Variants in COP1 observed in about 807,000 individuals in gnomAD.
COP1 encodes COP1 E3 ubiquitin ligase.
In COP1, 24 loss-of-function variants were observed where a neutral mutation model predicts 101.3. The observed-to-expected ratio is 0.24, with a 90% confidence interval of 0.17 to 0.33. COP1 has a LOEUF of 0.33. COP1 is among the 10% of genes least tolerant of loss of function. COP1 has a pLI of 1.00. For synonymous variants in COP1, 347 were observed against 341.9 expected (o/e 1.01, Z -0.17); for missense variants, 663 against 906.2 (o/e 0.73, Z 3.45).
At chr1:176,061,403 G>A (rs987673579) in intron 11 of COP1, among the ~76,000 whole-genome samples, 8 of 152,342 alleles carry the variant, frequency 5.3e-5, no homozygotes, top group African/African-American at 1.4e-4. Flanking sequence ...GAGGTGGGCA[G>A]ATCACCTGAG....
At chr1:176,063,623 G>T (rs1280256094) in intron 11 of COP1, among the ~76,000 whole-genome samples, 1 of 152,164 alleles carries the variant, frequency 6.6e-6, no homozygotes, top group African/African-American at 2.4e-5. Flanking sequence ...AGGAGAGAAT[G>T]TGAACACAAC....
intron 1 of COP1, among the ~76,000 whole-genome samples, chr1:176,187,258 T>C (rs540981495): frequency 6.6e-6 from 1 of 152,102 alleles, no homozygotes; most frequent in South Asian, 2.1e-4. Context: ...CTCAAGTAGC[T>C]GGGACTACAG....
intron 15 of COP1, among the ~76,000 whole-genome samples, chr1:176,001,319 T>C (rs1052850757): frequency 6.6e-6 from 1 of 152,270 alleles, no homozygotes; most frequent in East Asian, 1.9e-4. Flanking sequence ...TTGAGTACGA[T>C]GTTAACATCA....
chr1:176,057,568 C>T (rs1016073920), intron 11 of COP1, among the ~76,000 whole-genome samples: 1 of 152,176 alleles, frequency 6.6e-6, no homozygotes, highest in Non-Finnish European at 1.5e-5. Flanking sequence ...AGCTCCTAAC[C>T]GCGAGTGATC....
chr1:176,105,045 A>C (rs921716886), intron 9 of COP1, among the ~76,000 whole-genome samples: 5 of 152,174 alleles, frequency 3.3e-5, no homozygotes, highest in Non-Finnish European at 7.4e-5. Context: ...AAATTACTAG[A>C]AAGCTACCCT....
intron 11 of COP1, among the ~76,000 whole-genome samples, chr1:176,047,870 T>C (rs1447143861): frequency 6.6e-6 from 1 of 151,648 alleles, no homozygotes; most frequent in East Asian, 1.9e-4. Flanking sequence ...AGTCCAGGAG[T>C]TTGAGACCAG....
At position 176,180,280 on chromosome 1, in the gene COP1, G is replaced by A. The variant is rs1455892645; in HGVS notation, c.468-4273C>T. Among the ~76,000 whole-genome samples, 4 of 152,250 alleles carry A rather than the reference G, an allele frequency of 2.6e-5. No individual in the cohort carries two copies. The South Asian group carries it at 8.3e-4, about 32-fold the overall frequency. On this transcript the variant is annotated intron_variant, in intron 2 of 19. Transcript: ENST00000367669. ...AGATACAGCCAGGAAAGCAACATAC[G>A]CCTGTCTGCTGCCTTCTGGATCATA...
At chr1:176,058,754 TAAAAA>T (rs1171809329) in intron 11 of COP1, among the ~76,000 whole-genome samples, 1 of 88,352 alleles carries the variant, frequency 1.1e-5, no homozygotes, top group African/African-American at 3.9e-5. Flanking sequence ...GAATGATCAA[TAAAAA>T]AAAAAAAAAA....
chr1:176,076,032 G>A (rs1677933607), intron 11 of COP1, among the ~76,000 whole-genome samples: 1 of 149,890 alleles, frequency 6.7e-6, no homozygotes, highest in South Asian at 2.1e-4. Flanking sequence ...AATAGTAGGG[G>A]ACTTCAATAC....
chr1:176,008,001 G>C (rs1434351621), intron 15 of COP1, among the ~76,000 whole-genome samples: 2 of 152,134 alleles, frequency 1.3e-5, no homozygotes, highest in East Asian at 1.9e-4. Flanking sequence ...GGGAGACTCC[G>C]TGGGCGTAGG....
In COP1 at chr1:176,006,296, T is replaced by G. The variant is rs986964156; in HGVS notation, c.1730-16817A>C. ...CAGCACACTGATGGGTCTTGACTCT[T>G]TATCCAATTTGCCAGTCTGTGTCTT... On this transcript the variant is annotated intron_variant, in intron 15 of 19. Transcript: ENST00000367669. Among the ~76,000 whole-genome samples, 399 of 152,316 alleles carry G rather than the reference T, an allele frequency of 2.6e-3. 2 individuals carry two copies. The highest frequency in any genetic ancestry group is 9.2e-3 in the African/African-American group (381 of 41,564).
chr1:176,172,485 G>A (rs1221321070), intron 3 of COP1, among the ~76,000 whole-genome samples: 1 of 152,184 alleles, frequency 6.6e-6, no homozygotes, highest in Non-Finnish European at 1.5e-5. Context: ...TGTAGAAATT[G>A]TGTGGACCAG....
At chr1:176,045,847 T>C (rs554829466) in intron 12 of COP1, among the ~76,000 whole-genome samples, 96 of 152,050 alleles carry the variant, frequency 6.3e-4, no homozygotes, top group African/African-American at 2.3e-3. Context: ...ATTCCTGATG[T>C]TCAAATACTA....
intron 11 of COP1, among the ~76,000 whole-genome samples, chr1:176,061,923 C>T (rs1394390347): frequency 6.6e-6 from 1 of 152,102 alleles, no homozygotes; most frequent in Non-Finnish European, 1.5e-5. Context: ...ATTCTGATAA[C>T]ACATGTATCT....
intron 15 of COP1, among the ~76,000 whole-genome samples, chr1:176,007,308 A>G (rs542693951): frequency 1.3e-5 from 2 of 152,230 alleles, no homozygotes; most frequent in African/African-American, 4.8e-5. Context: ...CGTAGCTCAG[A>G]GTAATTTGAT....
At chr1:176,187,550 G>A (rs1395382424) in intron 1 of COP1, among the ~76,000 whole-genome samples, 1 of 152,054 alleles carries the variant, frequency 6.6e-6, no homozygotes, top group Non-Finnish European at 1.5e-5. Flanking sequence ...ATTCCTGGCT[G>A]AAATACTGGC....
At chr1:176,098,797 T>G (rs1004836550) in intron 9 of COP1, among the ~76,000 whole-genome samples, 62 of 152,216 alleles carry the variant, frequency 4.1e-4, no homozygotes, top group African/African-American at 1.4e-3. Context: ...TCTAACATAT[T>G]TAACAGGCTT....
At chr1:175,992,261 G>A (rs978545723) in intron 15 of COP1, among the ~76,000 whole-genome samples, 8 of 152,296 alleles carry the variant, frequency 5.3e-5, no homozygotes, top group African/African-American at 1.9e-4. Flanking sequence ...ACAATGGGAG[G>A]TGGAGGCAAG....
chr1:176,033,422 T>C (rs1019452360), intron 14 of COP1, among the ~76,000 whole-genome samples: 1 of 151,936 alleles, frequency 6.6e-6, no homozygotes, highest in Non-Finnish European at 1.5e-5. Flanking sequence ...AGCAAAACTC[T>C]GTCTCAAAAT....
Sources: allele counts gnomAD v4.1 joint callset (sites outside exome capture counted in the v4.1 genomes callset), GRCh38; gene constraint gnomAD v4.1.1; transcripts MANE v1.5; gene names NCBI Gene and HGNC (gene_info 2026-07-23, HGNC 2026-07-21).